The following VPS13B variants were observed in gnomAD, a reference collection of about 807,000 sequenced individuals.
VPS13B encodes intermembrane lipid transfer protein VPS13B.
VPS13B carries 285 observed loss-of-function variants against 426.4 expected under a neutral mutation model. The ratio of observed to expected loss-of-function variants is 0.67; its 90% confidence interval spans 0.61 to 0.74. The LOEUF is 0.74. VPS13B is among the 30% of genes least tolerant of loss of function. The pLI is 0.00. For missense variants in VPS13B, 4,537 were observed against 4,782.6 expected (o/e 0.95, Z 1.51); for synonymous variants, 1,676 against 1,676.4 (o/e 1.00, Z 0.01).
chr8:99,237,808 A>T (rs1342679300), intron 17 of VPS13B, among the ~76,000 whole-genome samples: 4 of 152,262 alleles, frequency 2.6e-5, no homozygotes, highest in South Asian at 2.1e-4. Flanking sequence ...AATAAATTTT[A>T]AAAAATTCAT....
chr8:99,428,607 T>C (rs1816879415), intron 21 of VPS13B, among the ~76,000 whole-genome samples: 1 of 152,120 alleles, frequency 6.6e-6, no homozygotes, highest in Admixed American at 6.5e-5. Context: ...CCAGTTAGAA[T>C]GGTGATCATT....
At chr8:99,118,158 A>G (rs1303339404) in intron 7 of VPS13B, among the ~76,000 whole-genome samples, 1 of 152,202 alleles carries the variant, frequency 6.6e-6, no homozygotes, top group African/African-American at 2.4e-5. Context: ...TTTCAAATAT[A>G]TGGAAAAGCT....
chr8:99,370,753 G>A (rs1813133437), intron 19 of VPS13B, among the ~76,000 whole-genome samples: 1 of 151,730 alleles, frequency 6.6e-6, no homozygotes, highest in Non-Finnish European at 1.5e-5. Flanking sequence ...GGGACTACAG[G>A]CGTGTACCAC....
chr8:99,115,849 T>C lies in VPS13B; in HGVS notation c.912T>C (p.Asn304=), dbSNP rs779969578. Residue 304 remains asparagine (N), a synonymous_variant, in exon 7 of 62, where the codon AAT becomes AAC. Transcript: ENST00000357162. ...EGEIEDLTCH[N]KDMLGNITGS... ...AAATAGAGGACCTTACTTGTCATAA[T>C]AAAGATATGCTAGGAAACATTACAG... 1.2e-6 allele frequency: 2 copies of C among 1,613,406 alleles called. No homozygotes were observed. The highest frequency in any genetic ancestry group is 2.2e-5 in the East Asian group (1 of 44,734).
At chr8:99,238,235 T>G (rs546920599) in intron 17 of VPS13B, among the ~76,000 whole-genome samples, 161 of 150,450 alleles carry the variant, frequency 1.1e-3, no homozygotes, top group African/African-American at 3.9e-3. Flanking sequence ...TGTAAGAGTT[T>G]GTGGGAGTGT....
intron 23 of VPS13B, 48 bp downstream of exon 23, chr8:99,442,683 T>A (rs1436005349): frequency 6.4e-7 from 1 of 1,558,490 alleles, no homozygotes; most frequent in African/African-American, 1.4e-5. Flanking sequence ...ATATGGACAT[T>A]TTTAGATTTG....
chr8:99,578,971 C>T (rs1168227972), intron 33 of VPS13B, among the ~76,000 whole-genome samples: 4 of 152,070 alleles, frequency 2.6e-5, no homozygotes, highest in South Asian at 2.1e-4. Flanking sequence ...CTGACAATTC[C>T]GTAAACTATA....
chr8:99,663,902 C>A (rs568808980), intron 35 of VPS13B, among the ~76,000 whole-genome samples: 1 of 152,020 alleles, frequency 6.6e-6, no homozygotes, highest in East Asian at 1.9e-4. Context: ...ACAATATTTT[C>A]AAGGCAACCA....
intron 33 of VPS13B, among the ~76,000 whole-genome samples, chr8:99,595,530 A>G (rs1415667730): frequency 2.6e-5 from 4 of 151,840 alleles, no homozygotes; most frequent in Non-Finnish European, 4.4e-5. Flanking sequence ...TGAAGAAACT[A>G]TAGGTGAAAA....
Position 99,433,320 on chromosome 8 carries a change from A to G in VPS13B, c.3210+1656A>G, listed in dbSNP as rs544342244. Among the ~76,000 whole-genome samples, 13 of 152,328 alleles carry G rather than the reference A, an allele frequency of 8.5e-5. No homozygotes were observed. In the East Asian group the frequency reaches 2.3e-3, roughly 27 times the overall value. On this transcript the variant is annotated intron_variant, in intron 22 of 61. Transcript: ENST00000357162. ...AAGCTCCAGGTGTCCAGGGCTTACC[A>G]GCACACCCATTTTGGTTACTGTCCT...
chr8:99,270,384 C>T (rs1449620013), intron 17 of VPS13B, among the ~76,000 whole-genome samples: 1 of 151,732 alleles, frequency 6.6e-6, no homozygotes, highest in Non-Finnish European at 1.5e-5. Flanking sequence ...AGTGATCCTC[C>T]TGCCTTGGCC....
intron 33 of VPS13B, among the ~76,000 whole-genome samples, chr8:99,578,383 G>A (rs751504248): frequency 6.6e-6 from 1 of 152,096 alleles, no homozygotes; most frequent in Admixed American, 6.5e-5. Context: ...GAAATGAAGA[G>A]GAATTTAGGT....
intron 21 of VPS13B, among the ~76,000 whole-genome samples, chr8:99,407,170 A>G (rs1366742565): frequency 1.3e-5 from 2 of 152,208 alleles, no homozygotes; most frequent in Admixed American, 1.3e-4. Flanking sequence ...GTAAATCTTT[A>G]TAGTGATGAA....
At position 99,337,460 on chromosome 8, in the gene VPS13B, G is replaced by A. The variant is rs200334509; in HGVS notation, c.2825-46748G>A. Among the ~76,000 whole-genome samples, 561 of 151,334 alleles carry A rather than the reference G, an allele frequency of 3.7e-3. 2 individuals carry two copies. Among genetic ancestry groups the A allele is most frequent in the Non-Finnish European group, 6.2e-3 (419 of 67,804 alleles). On this transcript the variant is annotated intron_variant, in intron 19 of 61. Transcript: ENST00000357162. ...GCACACCAGCATGGCACATGTATAC[G>A]TATGTAACTAACCTGCACATTGTGC...
chr8:99,305,538 C>A, intron 19 of VPS13B, among the ~76,000 whole-genome samples: 1 of 152,010 alleles, frequency 6.6e-6, no homozygotes, highest in East Asian at 1.9e-4. Flanking sequence ...ATTACTGTGT[C>A]TTTATTAAAG....
chr8:99,287,218 GTATCTATCTGTCTGTCTATCTATC>G (rs1563648066), intron 19 of VPS13B, among the ~76,000 whole-genome samples: 7 of 141,562 alleles, frequency 4.9e-5, no homozygotes, highest in East Asian at 4.4e-4. Context: ...ATGTGTGTGT[GTATCTATCTGTCTGTCTATCTATC>G]TATCTATCTA....
intron 54 of VPS13B, among the ~76,000 whole-genome samples, chr8:99,840,606 A>G (rs1815634085): frequency 1.3e-5 from 2 of 152,204 alleles, no homozygotes; most frequent in Admixed American, 1.3e-4. Flanking sequence ...ACTCTCATCT[A>G]GCCCATGTTT....
intron 19 of VPS13B, among the ~76,000 whole-genome samples, chr8:99,284,953 T>G (rs1201446100): frequency 6.6e-6 from 1 of 152,250 alleles, no homozygotes; most frequent in Non-Finnish European, 1.5e-5. Context: ...AAGTACATTG[T>G]AAACTTTAAA....
rs201875794 is a variant in VPS13B, at chr8:99,255,830, A to AC, written c.2516-18364dup. On this transcript the variant is annotated intron_variant, in intron 17 of 61. Coordinates refer to ENST00000357162, the MANE Select transcript of VPS13B (RefSeq NM_152564.5). ...TCTCCACTAGGTCTCTCTTGACACC[A>AC]CCCCAGCTGTAAGAGGGAGGGGCAT... Among the ~76,000 whole-genome samples, 5 of 151,980 alleles carry AC rather than the reference A, an allele frequency of 3.3e-5. No individual in the cohort carries two copies. In the East Asian group the frequency reaches 9.7e-4, roughly 29 times the overall value.
Sources: allele counts gnomAD v4.1 joint callset (sites outside exome capture counted in the v4.1 genomes callset), GRCh38; gene constraint gnomAD v4.1.1; transcripts MANE v1.5; gene names NCBI Gene and HGNC (gene_info 2026-07-23, HGNC 2026-07-21).